ARHGAP25: variants seen among roughly 807,000 people sequenced by gnomAD.
ARHGAP25 encodes Rho GTPase activating protein 25, also known as rho GTPase-activating protein 25.
A neutral mutation model predicts 71.0 loss-of-function variants in ARHGAP25; 34 were observed. The observed-to-expected ratio is 0.48, with a 90% CI of 0.36 to 0.64. The LOEUF (loss-of-function observed/expected upper bound fraction) is 0.64, where lower values mean the gene tolerates loss of function less well. Among genes scored for constraint, ARHGAP25 ranks in the 30% least tolerant of loss-of-function variants. The pLI, the probability that ARHGAP25 is intolerant of heterozygous loss-of-function variation, is 0.00. For synonymous variants in ARHGAP25, 282 were observed against 296.5 expected, an observed-to-expected ratio of 0.95 and a Z score of 0.50; for missense variants, 706 against 805.1, an observed-to-expected ratio of 0.88 and a Z score of 1.49.
Position 68,761,479 on chromosome 2 carries a change from T to C in ARHGAP25, c.62-13742T>C, listed in dbSNP as rs149510920. Among the ~76,000 whole-genome samples the C allele has an allele frequency of 3.1e-4, 47 of 152,136 alleles. No homozygotes were observed. The East Asian group carries it at 7.1e-3, about 23-fold the overall frequency. On this transcript the variant is annotated intron_variant, in intron 1 of 10. Coordinates refer to ENST00000409202, the MANE Select transcript of ARHGAP25 (RefSeq NM_001007231.3). ...AATAGGGGAAAATATTTGCAAATCA[T>C]ATATCTAACAAGGGATTAATATCCA...
chr2:68,740,015 T>C (rs1675433337), intron 1 of ARHGAP25, among the ~76,000 whole-genome samples: 1 of 152,174 alleles, frequency 6.6e-6, no homozygotes, highest in South Asian at 2.1e-4. Flanking sequence ...GAGTGCAACT[T>C]ACTGTGTTCT....
intron 4 of ARHGAP25, among the ~76,000 whole-genome samples, chr2:68,799,757 C>A (rs76459177): frequency 0.037 from 5,594 of 152,238 alleles, 143 homozygotes; most frequent in Non-Finnish European, 0.056. Flanking sequence ...GGAAGAAGGG[C>A]CGGGAGGGCT....
At chr2:68,727,100 C>A (rs1674902219) in intron 2 of ARHGAP25, among the ~76,000 whole-genome samples, 1 of 152,154 alleles carries the variant, frequency 6.6e-6, no homozygotes, top group South Asian at 2.1e-4. Context: ...ATCTGTCAGT[C>A]AAGACCACAA....
chr2:68,810,989 G>A (rs559899339), intron 5 of ARHGAP25, among the ~76,000 whole-genome samples: 8 of 152,068 alleles, frequency 5.3e-5, no homozygotes, highest in Non-Finnish European at 8.8e-5. Flanking sequence ...TTCTCCACCC[G>A]CCTTGGCCTC....
rs1682062629 is a variant in ARHGAP25, at chr2:68,825,625, A to C, written c.1734-362A>C. Among the ~76,000 whole-genome samples, 4 of 152,084 alleles carry C rather than the reference A, an allele frequency of 2.6e-5. No individual in the cohort carries two copies. The South Asian group carries it at 8.3e-4, about 32-fold the overall frequency. On this transcript the variant is annotated intron_variant, in intron 10 of 10. Coordinates refer to ENST00000409202, the MANE Select transcript of ARHGAP25 (RefSeq NM_001007231.3). The stretch of plus-strand genomic sequence containing the variant: ...CTAAAAATACAAAAAAAAAGAAAAA[A>C]TTAGCTGGGTATGGTGGCGGGCATC...
intron 4 of ARHGAP25, among the ~76,000 whole-genome samples, chr2:68,792,789 C>G (rs1203542874): frequency 6.6e-6 from 1 of 151,938 alleles, no homozygotes; most frequent in Non-Finnish European, 1.5e-5. Flanking sequence ...TGGTGTATAC[C>G]CAGTAGTGGG....
In ARHGAP25 at chr2:68,787,752, A is replaced by C. The variant is rs571623216; in HGVS notation, c.350-88A>C. The C allele has an allele frequency of 4.2e-5, 43 of 1,022,404 alleles. 1 individual carries two copies. In the East Asian group the frequency reaches 1.0e-3, roughly 25 times the overall value. 63.3% of individuals were successfully genotyped at this position (1,022,404 alleles called of 1,614,324 possible). On this transcript the variant is annotated intron_variant, in intron 3 of 10. Coordinates refer to ENST00000409202, the MANE Select transcript of ARHGAP25 (RefSeq NM_001007231.3). ...TGGTAGTGCTTCATTGAACCAAGAC[A>C]TCAATTTAGGTCTGGTTCCCTTCTC...
chr2:68,812,867 A>G (rs181914374), intron 5 of ARHGAP25, among the ~76,000 whole-genome samples: 187 of 152,342 alleles, frequency 1.2e-3, no homozygotes, highest in African/African-American at 4.2e-3. Flanking sequence ...CCTCAGAACT[A>G]TTTTAAGCAC....
At chr2:68,798,507 A>G (rs1190358411) in intron 4 of ARHGAP25, among the ~76,000 whole-genome samples, 1 of 91,304 alleles carries the variant, frequency 1.1e-5, no homozygotes, top group African/African-American at 4.9e-5. Flanking sequence ...AGAGAGAGAA[A>G]GAGGAGAGAG....
At chr2:68,803,369 T>C (rs957214026) in intron 4 of ARHGAP25, among the ~76,000 whole-genome samples, 5 of 152,188 alleles carry the variant, frequency 3.3e-5, no homozygotes, top group Non-Finnish European at 5.9e-5. Context: ...ACTAGAAATC[T>C]TAGTGAGCAG....
chr2:68,751,420 A>C (rs1360544030), intron 1 of ARHGAP25, among the ~76,000 whole-genome samples: 2 of 152,256 alleles, frequency 1.3e-5, no homozygotes, highest in African/African-American at 4.8e-5. Context: ...ATACAACTAA[A>C]GAGCCACGGG....
chr2:68,741,255 T>C (rs1362753772), intron 1 of ARHGAP25, among the ~76,000 whole-genome samples: 5 of 152,204 alleles, frequency 3.3e-5, no homozygotes, highest in Admixed American at 2.6e-4. Context: ...CTCCTAATTG[T>C]ACTGGAAAAA....
upstream of ARHGAP25, among the ~76,000 whole-genome samples, chr2:68,733,941 C>G (rs1675093936): frequency 6.6e-6 from 1 of 152,168 alleles, no homozygotes; most frequent in South Asian, 2.1e-4. Context: ...AATTGAAGCA[C>G]AAAGTGGTCA....
At chr2:68,815,163 G>A (rs1198648447) in intron 6 of ARHGAP25, among the ~76,000 whole-genome samples, 2 of 152,186 alleles carry the variant, frequency 1.3e-5, no homozygotes, top group African/African-American at 2.4e-5. Flanking sequence ...CCACATCTGT[G>A]GCAATGCATG....
At chr2:68,775,111 T>G in intron 1 of ARHGAP25, 110 bp from the exon 2 acceptor site, 5 of 1,592,094 alleles carry the variant, frequency 3.1e-6, no homozygotes, top group Non-Finnish European at 3.4e-6. Context: ...GACCTGGTTG[T>G]CGTCCCCCCG....
intron 3 of ARHGAP25, among the ~76,000 whole-genome samples, chr2:68,787,494 C>A (rs1209305372): frequency 6.6e-6 from 1 of 152,248 alleles, no homozygotes; most frequent in Admixed American, 6.5e-5. Flanking sequence ...AGTCTTCTAA[C>A]TTTTATGGGC....
rs1478066348 is a variant in ARHGAP25, at chr2:68,773,170, GAAATGTGGA to G, written c.62-2048_62-2040del. Among the ~76,000 whole-genome samples the G allele has an allele frequency of 3.3e-5, 5 of 152,300 alleles. No individual in the cohort carries two copies. In the East Asian group the frequency reaches 9.6e-4, roughly 29 times the overall value. ...AGACAGCAATATTGGACCGAAGGATGAAATGTGGAAATAGGGTGATAACTCCAGATACAA... is the reference window on the plus strand; with the variant it reads ...AGACAGCAATATTGGACCGAAGGATGAATAGGGTGATAACTCCAGATACAA... On this transcript the variant is annotated intron_variant, in intron 1 of 10. Transcript: ENST00000409202.
chr2:68,732,437 CG>C (rs1441641083), upstream of ARHGAP25, among the ~76,000 whole-genome samples: 4 of 152,126 alleles, frequency 2.6e-5, no homozygotes, highest in African/African-American at 9.7e-5. Context: ...GCTGCTGGGC[CG>C]GGCCAGACAG....
intron 1 of ARHGAP25, among the ~76,000 whole-genome samples, chr2:68,774,362 C>G (rs1402347557): frequency 6.6e-6 from 1 of 152,130 alleles, no homozygotes; most frequent in Non-Finnish European, 1.5e-5. Context: ...TGTGGAGGTA[C>G]AGGCTGGACT....
Sources: gnomAD v4.1 joint callset for allele counts (sites outside exome capture counted in the v4.1 genomes callset) on GRCh38, gnomAD v4.1.1 for gene constraint, MANE v1.5 for transcripts, NCBI Gene and HGNC (gene_info 2026-07-23, HGNC 2026-07-21) for gene names.